PKHD1L1: variants seen among roughly 807,000 people sequenced by gnomAD.
PKHD1L1 encodes PKHD1 like 1, also known as fibrocystin-L.
In PKHD1L1, 434 loss-of-function variants were observed where a neutral mutation model predicts 462.9. That is an observed-to-expected ratio of 0.94 (90% CI 0.87 to 1.02). The LOEUF is 1.02. Ranked by LOEUF, PKHD1L1 falls within the 50% of genes least tolerant of loss-of-function variation. The pLI is 0.00. For missense variants in PKHD1L1, 5,202 were observed against 5,096.1 expected (o/e 1.02, Z -0.63); for synonymous variants, 1,781 against 1,750.0 (o/e 1.02, Z -0.44).
chr8:109,439,935 T>C (rs1397861281), intron 32 of PKHD1L1, among the ~76,000 whole-genome samples: 71 of 152,110 alleles, frequency 4.7e-4, no homozygotes, highest in Non-Finnish European at 1.3e-4. Context: ...ATCTCTTGGT[T>C]TCACAGGGCA....
chr8:109,425,667 T>C (rs1327237226), intron 24 of PKHD1L1, among the ~76,000 whole-genome samples: 8 of 152,078 alleles, frequency 5.3e-5, no homozygotes, highest in Non-Finnish European at 1.0e-4. Context: ...AAAATAAGCA[T>C]TCATTACCTA....
chr8:109,429,972 G>C lies in PKHD1L1; in HGVS notation c.3164G>C (p.Gly1055Ala). The change falls in exon 27 of 78, where the codon GGT becomes GCT. Residue 1055 changes from glycine (G) to alanine (A), a missense_variant. Gly to Ala is a moderately conservative substitution (Grantham distance 60). Coordinates refer to ENST00000378402, the MANE Select transcript of PKHD1L1 (RefSeq NM_177531.6). ...AATGGAATTCCAGCTAAATGTTCAG[G>C]TGACTGTGGATTTACATGGGATTCC... is the stretch of plus-strand genomic sequence containing the variant. ...YVNGIPAKCS[G>A]DCGFTWDSNI... The C allele has an allele frequency of 1.2e-6, 2 of 1,611,584 alleles. No homozygotes were observed. Among genetic ancestry groups the C allele is most frequent in the Non-Finnish European group, 1.7e-6 (2 of 1,178,998 alleles).
Position 109,385,719 on chromosome 8 carries a change from A to G in PKHD1L1, c.569+89A>G. 3.7e-6 allele frequency: 3 copies of G among 804,204 alleles called. No homozygotes were observed. In the South Asian group the frequency reaches 7.3e-5, roughly 20 times the overall value. The allele number at this position is 804,204 out of a possible 1,614,324, so 49.8% of individuals were successfully genotyped here. Reference sequence around the variant, plus strand: ...AATGGGTCCAATGATATTAAATCCCATTACAATGTAATATAACTAACCAGT... The same window carrying G: ...AATGGGTCCAATGATATTAAATCCCGTTACAATGTAATATAACTAACCAGT... On this transcript the variant is annotated intron_variant, in intron 6 of 77. Transcript: ENST00000378402.
Position 109,419,188 on chromosome 8 carries a change from G to C in PKHD1L1, c.2452G>C (p.Ala818Pro). ...TCTTCAGAGGATTAGCTTACATAAAGCATCAGAATCACAGTCCTTCTATGT... is the reference window on the plus strand; with the variant it reads ...TCTTCAGAGGATTAGCTTACATAAACCATCAGAATCACAGTCCTTCTATGT... ...VSLQRISLHK[A>P]SESQSFYVDV... is the part of the protein sequence containing the mutation. The change falls in exon 22 of 78, where the codon GCA becomes CCA. Residue 818 changes from alanine to proline, a missense_variant. By Grantham distance (27) the Ala-to-Pro change is conservative (BLOSUM62 -1). Coordinates refer to ENST00000378402, the MANE Select transcript of PKHD1L1 (RefSeq NM_177531.6). 6.2e-7 allele frequency: 1 copy of C among 1,613,452 alleles called. No individual in the cohort carries two copies. Among genetic ancestry groups the C allele is most frequent in the Non-Finnish European group, 8.5e-7 (1 of 1,179,534 alleles).
chr8:109,392,539 A>G (rs1158026709), intron 9 of PKHD1L1, among the ~76,000 whole-genome samples: 3 of 152,028 alleles, frequency 2.0e-5, no homozygotes, highest in East Asian at 3.9e-4. Context: ...CTTTGTACAA[A>G]TGTCTTAGAA....
In PKHD1L1 at chr8:109,508,156, G is replaced by T. The variant is rs1348571607; in HGVS notation, c.11287G>T (p.Gly3763Trp). ...AGAGTGGCAGAGCTATCAGTGCTTT[G>T]GGATGGAATATGCAATGATGGTTAT... ...LPEWQSYQCF[G>W]MEYAMMVIES... Residue 3763 changes from glycine (G) to tryptophan (W), a missense_variant, in exon 70 of 78, where the codon GGG (glycine) becomes TGG (tryptophan). By Grantham distance (184) the Gly-to-Trp change is radical (BLOSUM62 -2). Coordinates refer to ENST00000378402, the MANE Select transcript of PKHD1L1 (RefSeq NM_177531.6). 1 of 1,613,004 alleles carries T rather than the reference G, an allele frequency of 6.2e-7. No individual in the cohort carries two copies. The highest frequency in any genetic ancestry group is 1.7e-5 in the Admixed American group (1 of 59,932).
intron 2 of PKHD1L1, among the ~76,000 whole-genome samples, chr8:109,375,937 A>G (rs1811797136): frequency 6.6e-6 from 1 of 152,074 alleles, no homozygotes; most frequent in Non-Finnish European, 1.5e-5. Context: ...CAGTTAGGCT[A>G]CTCAGGGGTC....
intron 70 of PKHD1L1, among the ~76,000 whole-genome samples, chr8:109,508,551 A>T (rs1476494426): frequency 6.6e-6 from 1 of 152,066 alleles, no homozygotes; most frequent in Non-Finnish European, 1.5e-5. Flanking sequence ...TTCTGGAGTG[A>T]TCTTCATACT....
In PKHD1L1 at chr8:109,491,888, G is replaced by C. The variant is rs1818846400; in HGVS notation, c.10130G>C (p.Gly3377Ala). The C allele has an allele frequency of 8.7e-6, 14 of 1,602,468 alleles. No individual in the cohort carries two copies. The highest frequency in any genetic ancestry group is 1.3e-5 in the African/African-American group (1 of 74,674). ...FTVGEGIRIW[G>A]NANRVRGNLI... is the part of the protein sequence containing the mutation. ...TTTTAAACAGGCATAAGAATATGGG[G>C]GAATGCCAACCGAGTCCGAGGGAAT... The change falls in exon 62 of 78, where the codon GGG becomes GCG. Residue 3377 changes from glycine to alanine, a missense_variant. Transcript: ENST00000378402.
At chr8:109,408,263 A>G in intron 18 of PKHD1L1, 57 bp downstream of exon 18, 1 of 1,469,124 alleles carries the variant, frequency 6.8e-7, no homozygotes. Flanking sequence ...CACATCATTC[A>G]TGGGCCATTT....
Position 109,389,182 on chromosome 8 carries a change from C to T in PKHD1L1, c.697+30C>T, listed in dbSNP as rs1403249930. The T allele has an allele frequency of 1.0e-5, 16 of 1,526,718 alleles. No individual in the cohort carries two copies. In the Admixed American group the frequency reaches 2.0e-4, roughly 19 times the overall value. The allele number at this position is 1,526,718 out of a possible 1,614,324, so 94.6% of individuals were successfully genotyped here. A position where few individuals can be genotyped will look rare whatever the true frequency, so the allele number is the denominator to read the frequency against. On this transcript the variant is annotated intron_variant, in intron 8 of 77. Coordinates refer to ENST00000378402, the MANE Select transcript of PKHD1L1 (RefSeq NM_177531.6). ...GTGTTGGTCATCTTTCTTCATAATG[C>T]TCACAGATGCCTTATTCTATTTCCC...
intron 22 of PKHD1L1, 63 bp downstream of exon 22, chr8:109,419,323 AT>A: frequency 7.5e-7 from 1 of 1,329,298 alleles, no homozygotes; most frequent in Non-Finnish European, 1.0e-6. Context: ...CATGGAAATT[AT>A]TTTTATATTC....
intron 59 of PKHD1L1, among the ~76,000 whole-genome samples, chr8:109,489,687 G>GC (rs1818732502): frequency 6.6e-6 from 1 of 151,848 alleles, no homozygotes; most frequent in Non-Finnish European, 1.5e-5. Context: ...CCTCCAAAGG[G>GC]CCACTGTATA....
At chr8:109,505,618 G>C (rs555414763) in intron 68 of PKHD1L1, among the ~76,000 whole-genome samples, 2 of 152,284 alleles carry the variant, frequency 1.3e-5, no homozygotes, top group South Asian at 4.1e-4. Context: ...AGGCATCTTA[G>C]CCAGTCATTG....
At chr8:109,484,668 T>C (rs1307012660) in intron 57 of PKHD1L1, among the ~76,000 whole-genome samples, 1 of 151,888 alleles carries the variant, frequency 6.6e-6, no homozygotes, top group Non-Finnish European at 1.5e-5. Flanking sequence ...TGATAGTTAA[T>C]TGTACTAAAC....
intron 2 of PKHD1L1, among the ~76,000 whole-genome samples, chr8:109,377,119 T>C (rs1811877957): frequency 6.6e-6 from 1 of 152,242 alleles, no homozygotes; most frequent in East Asian, 1.9e-4. Flanking sequence ...AGATATCTTC[T>C]GGCAACCCCA....
chr8:109,452,747 C>A lies in PKHD1L1; in HGVS notation c.6537C>A (p.Ala2179=). Residue 2179 remains alanine, a synonymous_variant, in exon 43 of 78, where the codon GCC becomes GCA. Transcript: ENST00000378402. ...LDNADFLYVD[A]WSSNFSWGGK... is the part of the protein sequence containing the mutation. ...ATGCTGACTTTCTTTATGTTGATGC[C>A]TGGTCCTCCAATTTCTCATGGGGGG... The A allele has an allele frequency of 6.5e-7, 1 of 1,539,740 alleles. No individual in the cohort carries two copies. The highest frequency in any genetic ancestry group is 8.7e-7 in the Non-Finnish European group (1 of 1,144,888).
At chr8:109,496,460 T>A (rs1221724451) in intron 63 of PKHD1L1, among the ~76,000 whole-genome samples, 1 of 152,190 alleles carries the variant, frequency 6.6e-6, no homozygotes, top group Non-Finnish European at 1.5e-5. Flanking sequence ...CTTATTTGTA[T>A]CTAAATCCCA....
At chr8:109,363,552 T>C (rs1035688949) in intron 1 of PKHD1L1, among the ~76,000 whole-genome samples, 1 of 152,190 alleles carries the variant, frequency 6.6e-6, no homozygotes, top group African/African-American at 2.4e-5. Flanking sequence ...ATCCCTTAAA[T>C]TTTTCTACCT....
Sources: allele counts gnomAD v4.1 joint callset (sites outside exome capture counted in the v4.1 genomes callset), GRCh38; gene constraint gnomAD v4.1.1; transcripts MANE v1.5; gene names NCBI Gene and HGNC (gene_info 2026-07-23, HGNC 2026-07-21).